Variants in NAV1 observed in about 807,000 individuals in gnomAD.
NAV1 encodes the protein neuron navigator 1.
NAV1 carries 18 observed loss-of-function variants against 175.2 expected under a neutral mutation model. The observed-to-expected ratio is 0.10, with a 90% CI of 0.07 to 0.15. The LOEUF (loss-of-function observed/expected upper bound fraction) is 0.15. Among genes scored for constraint, NAV1 ranks in the 10% least tolerant of loss-of-function variants. The probability of loss-of-function intolerance (pLI) is 1.00; values close to 1 mark genes in which losing one functional copy is unlikely to be tolerated. For synonymous variants in NAV1, 897 were observed against 978.7 expected, an observed-to-expected ratio of 0.92 and a Z score of 1.56; for missense variants, 1,731 against 2,436.6, an observed-to-expected ratio of 0.71 and a Z score of 6.10.
Position 201,575,376 on chromosome 1 carries a change from A to T in NAV1, c.-143-13163A>T, listed in dbSNP as rs116654372. Among the ~76,000 whole-genome samples, 362 of 152,232 alleles carry T rather than the reference A, an allele frequency of 2.4e-3. 3 individuals carry two copies. Among genetic ancestry groups the T allele is most frequent in the African/African-American group, 8.4e-3 (350 of 41,546 alleles). Reference sequence around the variant, plus strand: ...GGCCTATGAACTGCTGAGCTATAGGATCTAGTCCTGTGCATGAGGGAATTT... The same window carrying T: ...GGCCTATGAACTGCTGAGCTATAGGTTCTAGTCCTGTGCATGAGGGAATTT... On this transcript the variant is annotated intron_variant, in intron 1 of 33. Transcript: ENST00000685211.
At chr1:201,679,624 C>G (rs756149702) in intron 1 of NAV1, among the ~76,000 whole-genome samples, 1 of 152,116 alleles carries the variant, frequency 6.6e-6, no homozygotes, top group East Asian at 1.9e-4. Flanking sequence ...CATGATAGGC[C>G]GACAAAGTTG....
At chr1:201,722,349 T>A (rs1199173870) in intron 3 of NAV1, among the ~76,000 whole-genome samples, 1 of 152,244 alleles carries the variant, frequency 6.6e-6, no homozygotes, top group Non-Finnish European at 1.5e-5. Flanking sequence ...AGTGGAATCA[T>A]ACAGTCTTTG....
At chr1:201,664,925 G>A (rs1224578881) in intron 1 of NAV1, among the ~76,000 whole-genome samples, 1 of 152,096 alleles carries the variant, frequency 6.6e-6, no homozygotes, top group Non-Finnish European at 1.5e-5. Context: ...GGGCCCAGGT[G>A]TCCTTGGGTT....
intron 1 of NAV1, among the ~76,000 whole-genome samples, chr1:201,663,612 G>C (rs1669699543): frequency 6.6e-6 from 1 of 152,182 alleles, no homozygotes; most frequent in Non-Finnish European, 1.5e-5. Flanking sequence ...TGCCTCAGTG[G>C]CCTGTTATCA....
intron 1 of NAV1, among the ~76,000 whole-genome samples, chr1:201,626,876 AG>A (rs1668344247): frequency 6.6e-6 from 1 of 152,196 alleles, no homozygotes; most frequent in Non-Finnish European, 1.5e-5. Context: ...CAGGCTGAGA[AG>A]TGAGGGCGGA....
intron 1 of NAV1, among the ~76,000 whole-genome samples, chr1:201,705,846 G>A (rs1671643220): frequency 6.8e-6 from 1 of 146,070 alleles, no homozygotes; most frequent in South Asian, 2.3e-4. Flanking sequence ...TTTGCTTGCT[G>A]GGTTATCTGT....
At chr1:201,669,442 G>A (rs1669951176) in intron 1 of NAV1, among the ~76,000 whole-genome samples, 1 of 152,190 alleles carries the variant, frequency 6.6e-6, no homozygotes, top group African/African-American at 2.4e-5. Flanking sequence ...AGTGGAAGAA[G>A]GCCACCGAGG....
chr1:201,714,843 G>C (rs1672068188), intron 2 of NAV1, among the ~76,000 whole-genome samples: 1 of 152,154 alleles, frequency 6.6e-6, no homozygotes, highest in Non-Finnish European at 1.5e-5. Flanking sequence ...CCAGCCTCCT[G>C]GTGCCACTGA....
rs529355258 is a variant in NAV1, at chr1:201,571,792, G to A, written c.-143-16747G>A. The stretch of plus-strand genomic sequence containing the variant: ...GGGATTACATAGGAATTTAACTGAA[G>A]TAAATGATCATCAATGTGTACAAAG... On this transcript the variant is annotated intron_variant, in intron 1 of 33. Transcript: ENST00000685211. Among the ~76,000 whole-genome samples, 7 of 152,352 alleles carry A rather than the reference G, an allele frequency of 4.6e-5. No individual in the cohort carries two copies. The East Asian group carries it at 1.3e-3, about 29-fold the overall frequency.
At chr1:201,709,969 A>T (rs1300520306) in intron 1 of NAV1, among the ~76,000 whole-genome samples, 1 of 152,010 alleles carries the variant, frequency 6.6e-6, no homozygotes, top group African/African-American at 2.4e-5. Flanking sequence ...AGACTCTGAA[A>T]TAGTCCCACC....
At chr1:201,672,938 C>G (rs1670100752) in intron 1 of NAV1, among the ~76,000 whole-genome samples, 1 of 152,170 alleles carries the variant, frequency 6.6e-6, no homozygotes, top group Non-Finnish European at 1.5e-5. Context: ...GACTGAAGCC[C>G]TTGGGGTGCA....
chr1:201,549,881 G>A (rs2102451797), intron 1 of NAV1, among the ~76,000 whole-genome samples: 1 of 151,088 alleles, frequency 6.6e-6, no homozygotes, highest in African/African-American at 2.4e-5. Flanking sequence ...TGTGGTGGTG[G>A]GCACCTGTGG....
chr1:201,634,056 G>A (rs1668549574), intron 2 of NAV1, among the ~76,000 whole-genome samples: 1 of 152,174 alleles, frequency 6.6e-6, no homozygotes, highest in Admixed American at 6.5e-5. Flanking sequence ...ACTGCATGAG[G>A]TTTGGAATCT....
chr1:201,802,160 CCGGG>C (rs1202061297), intron 15 of NAV1, among the ~76,000 whole-genome samples: 1 of 141,322 alleles, frequency 7.1e-6, no homozygotes, highest in Non-Finnish European at 1.6e-5. Flanking sequence ...AAAAAATTAG[CCGGG>C]CGTGGTGGCA....
rs1678503012 is a variant in NAV1, at chr1:201,808,920, T to C, written c.4207+49T>C. ...ATAAGGGTGAAGGGAAGAAAAGGGCTTATTTCACTGTTACACCATTCCACT... is the reference window on the plus strand; with the variant it reads ...ATAAGGGTGAAGGGAAGAAAAGGGCCTATTTCACTGTTACACCATTCCACT... On this transcript the variant is annotated intron_variant, in intron 20 of 29. Coordinates refer to ENST00000367296, the Ensembl canonical transcript of NAV1. The surrounding 1 kb of genome is among the most constrained non-coding windows in gnomAD (Gnocchi z 5.5). The C allele has an allele frequency of 2.5e-6, 4 of 1,572,680 alleles. No homozygotes were observed. The highest frequency in any genetic ancestry group is 2.6e-6 in the Non-Finnish European group (3 of 1,157,804).
chr1:201,607,665 T>C (rs1007677452), intron 2 of NAV1, among the ~76,000 whole-genome samples: 4 of 150,164 alleles, frequency 2.7e-5, no homozygotes, highest in Non-Finnish European at 5.9e-5. Context: ...CTAATTTTTG[T>C]ATTTTTAGTA....
At chr1:201,745,517 G>A (rs1193202583) in intron 3 of NAV1, among the ~76,000 whole-genome samples, 1 of 152,164 alleles carries the variant, frequency 6.6e-6, no homozygotes, top group Non-Finnish European at 1.5e-5. Context: ...TGCTTTACAG[G>A]TGTTTTCTTT....
intron 3 of NAV1, among the ~76,000 whole-genome samples, chr1:201,766,362 G>A (rs1675211005): frequency 1.3e-5 from 2 of 152,048 alleles, no homozygotes; most frequent in African/African-American, 2.4e-5. Flanking sequence ...ACTCCCCCTC[G>A]CTCTTGGAGT....
chr1:201,551,693 A>G (rs1463856400), intron 1 of NAV1, among the ~76,000 whole-genome samples: 2 of 152,252 alleles, frequency 1.3e-5, no homozygotes, highest in East Asian at 3.9e-4. Context: ...TACACCACCA[A>G]TTTTATCACT....
Sources: allele counts gnomAD v4.1 joint callset (sites outside exome capture counted in the v4.1 genomes callset), GRCh38; gene constraint gnomAD v4.1.1; non-coding constraint Gnocchi (gnomAD v3.1); transcripts MANE v1.5; gene names NCBI Gene and HGNC (gene_info 2026-07-23, HGNC 2026-07-21).